Variants in N4BP2L2 observed in about 807,000 individuals in gnomAD.
N4BP2L2 encodes NEDD4-binding protein 2-like 2.
Under a neutral mutation model 56.2 loss-of-function variants are expected in N4BP2L2, and 50 were observed. The observed-to-expected ratio is 0.89, with a 90% CI of 0.71 to 1.13. N4BP2L2 has a LOEUF of 1.13. Among genes scored for constraint, N4BP2L2 ranks in the 50% most tolerant of loss-of-function variants. N4BP2L2 has a pLI of 0.00. For missense variants in N4BP2L2, 689 were observed against 693.8 expected (o/e 0.99, Z 0.08); for synonymous variants, 203 against 223.6 (o/e 0.91, Z 0.82).
At chr13:32,457,748 A>G (rs962478201) in intron 6 of N4BP2L2, among the ~76,000 whole-genome samples, 1 of 152,246 alleles carries the variant, frequency 6.6e-6, no homozygotes, top group South Asian at 2.1e-4. Context: ...CATGGAAGTG[A>G]AAGGACAGTA....
chr13:32,446,979 C>T (rs925668244), intron 6 of N4BP2L2, among the ~76,000 whole-genome samples: 1 of 152,152 alleles, frequency 6.6e-6, no homozygotes, highest in East Asian at 1.9e-4. Context: ...TAGTTTGATT[C>T]GCTCTGAAGT....
chr13:32,522,283 A>G lies in N4BP2L2; in HGVS notation c.1385-13T>C, dbSNP rs377642700. The G allele has an allele frequency of 6.8e-6, 10 of 1,460,868 alleles. No individual in the cohort carries two copies. Among genetic ancestry groups the G allele is most frequent in the Non-Finnish European group, 8.3e-6 (9 of 1,082,748 alleles). The allele number at this position is 1,460,868 out of a possible 1,614,324, so 90.5% of individuals were successfully genotyped here. On this transcript the variant is annotated splice_polypyrimidine_tract_variant and intron_variant, in intron 3 of 5. Transcript: ENST00000267068. ...ATAGCTTGTTTTGCTGAAATAAAAT[A>G]TAAATTTAAAAATAAAAAAACAAAT...
chr13:32,506,079 ATTTAT>A (rs2090898018), downstream of N4BP2L2: 1 of 152,182 alleles, frequency 6.6e-6, no homozygotes, highest in African/African-American at 2.4e-5. Flanking sequence ...AAGAACAGAA[ATTTAT>A]TTTCTCACAC....
intron 6 of N4BP2L2, among the ~76,000 whole-genome samples, chr13:32,501,532 C>T (rs1017204436): frequency 1.3e-5 from 2 of 151,708 alleles, no homozygotes; most frequent in Admixed American, 6.6e-5. Flanking sequence ...ATGAAAATAT[C>T]GGCCGGGTGC....
At chr13:32,511,665 T>C (rs1389629766) in exon 6 of N4BP2L2, 1 of 152,098 alleles carries the variant, frequency 6.6e-6, no homozygotes, top group Admixed American at 6.5e-5. Context: ...ATGAGTTCAG[T>C]AGAATACAGG....
chr13:32,511,077 G>T (rs1472315527), exon 6 of N4BP2L2: 2 of 151,990 alleles, frequency 1.3e-5, no homozygotes, highest in Non-Finnish European at 2.9e-5. Context: ...TCTTACTAGA[G>T]AAATCATGTT....
chr13:32,456,730 G>A, intron 6 of N4BP2L2, among the ~76,000 whole-genome samples: 1 of 152,202 alleles, frequency 6.6e-6, no homozygotes. Flanking sequence ...TTCAATGACT[G>A]AAACAAGAAA....
intron 7 of N4BP2L2, chr13:32,438,838 T>A: frequency 1.3e-6 from 1 of 755,658 alleles, no homozygotes; most frequent in Non-Finnish European, 2.2e-6. Flanking sequence ...ACCATACCAT[T>A]AAAAGTCTGG....
chr13:32,511,280 T>C (rs1457642542), exon 6 of N4BP2L2: 1 of 152,190 alleles, frequency 6.6e-6, no homozygotes, highest in East Asian at 1.9e-4. Context: ...GCAGCGGCAT[T>C]GCACCATATA....
At chr13:32,454,638 A>G (rs1422527501) in intron 6 of N4BP2L2, among the ~76,000 whole-genome samples, 2 of 152,224 alleles carry the variant, frequency 1.3e-5, no homozygotes, top group African/African-American at 4.8e-5. Flanking sequence ...AACAATGGAT[A>G]AAGAACTAAA....
chr13:32,447,805 G>GT (rs201467161), intron 6 of N4BP2L2, among the ~76,000 whole-genome samples: 29 of 150,698 alleles, frequency 1.9e-4, no homozygotes, highest in African/African-American at 5.2e-4. Context: ...TTTTTTCGTT[G>GT]TTTTTTTTTC....
At chr13:32,536,532 A>G (rs2056596655) in exon 2 of N4BP2L2, 1 of 1,613,764 alleles carries the variant, frequency 6.2e-7, no homozygotes, top group Non-Finnish European at 8.5e-7. Flanking sequence ...TCAATCTCTG[A>G]TTTTTCAGAG....
rs199752375 is a variant in N4BP2L2 at position 32,521,329 on chromosome 13, A to G, written c.1550+44T>C. 9.9e-5 allele frequency: 136 copies of G among 1,378,264 alleles called. No individual in the cohort carries two copies. In the East Asian group the frequency reaches 2.7e-3, roughly 28 times the overall value. 85.4% of individuals were successfully genotyped at this position (1,378,264 alleles called of 1,614,324 possible). ...GAAAGGATGTCAGAATTCACAAAAGAAAGAAGAAAAGTTAAGGATTCAATA... is the reference window on the plus strand; with the variant it reads ...GAAAGGATGTCAGAATTCACAAAAGGAAGAAGAAAAGTTAAGGATTCAATA... On this transcript the variant is annotated intron_variant, in intron 5 of 5. Coordinates refer to ENST00000267068, the Ensembl canonical transcript of N4BP2L2.
downstream of N4BP2L2, among the ~76,000 whole-genome samples, chr13:32,509,774 T>A (rs920771340): frequency 6.6e-5 from 10 of 152,218 alleles, no homozygotes; most frequent in African/African-American, 2.2e-4. Context: ...AATCTATTCA[T>A]AAAACCAATG....
chr13:32,525,618 A>G (rs1282372995), intron 3 of N4BP2L2: 1 of 152,204 alleles, frequency 6.6e-6, no homozygotes, highest in African/African-American at 2.4e-5. Context: ...GCACTGAGCT[A>G]TGATTGTGTC....
chr13:32,459,446 TAAC>T (rs1477878471), intron 6 of N4BP2L2, among the ~76,000 whole-genome samples: 3 of 151,770 alleles, frequency 2.0e-5, no homozygotes, highest in Non-Finnish European at 4.4e-5. Context: ...AAACGAGACA[TAAC>T]AATGATACCA....
In N4BP2L2 at chr13:32,517,782, G is replaced by GT. The variant is rs781752228; in HGVS notation, c.*19dup. On this transcript the variant is annotated 3_prime_UTR_variant, in exon 6 of 6. Coordinates refer to ENST00000267068, the Ensembl canonical transcript of N4BP2L2. ...CTTTTTCAAGTGCAACAACAAATGT[G>GT]TTAGCTGAAAATAGCTAATTTAATG... is the stretch of plus-strand genomic sequence containing the variant. 1.9e-5 allele frequency: 31 copies of GT among 1,610,918 alleles called. No homozygotes were observed. In the Admixed American group the frequency reaches 5.2e-4, roughly 27 times the overall value.
At chr13:32,533,056 T>G (rs1173731602) in intron 2 of N4BP2L2, among the ~76,000 whole-genome samples, 1 of 152,194 alleles carries the variant, frequency 6.6e-6, no homozygotes, top group Non-Finnish European at 1.5e-5. Flanking sequence ...TATCTATTTG[T>G]TCTTTTGCTA....
chr13:32,463,680 A>AG, intron 6 of N4BP2L2, among the ~76,000 whole-genome samples: 1 of 150,842 alleles, frequency 6.6e-6, no homozygotes, highest in South Asian at 2.1e-4. Context: ...AAAAAAAAAA[A>AG]AGGGGGCACT....
Sources: gnomAD v4.1 joint callset for allele counts (sites outside exome capture counted in the v4.1 genomes callset) on GRCh38, gnomAD v4.1.1 for gene constraint, MANE v1.5 for transcripts, NCBI Gene and HGNC (gene_info 2026-07-23, HGNC 2026-07-21) for gene names.